ZC3H6: variants seen among roughly 807,000 people sequenced by gnomAD.
ZC3H6 encodes zinc finger CCCH-type containing 6.
A neutral mutation model predicts 107.7 loss-of-function variants in ZC3H6; 40 were observed. That is an observed-to-expected ratio of 0.37 (90% CI 0.29 to 0.48). The LOEUF (loss-of-function observed/expected upper bound fraction) is 0.48. Among genes scored for constraint, ZC3H6 ranks in the 20% least tolerant of loss-of-function variants. ZC3H6 has a pLI of 0.98. For synonymous variants in ZC3H6, 493 were observed against 487.9 expected, an observed-to-expected ratio of 1.01 and a Z score of -0.14; for missense variants, 1,267 against 1,410.4, an observed-to-expected ratio of 0.90 and a Z score of 1.63.
At chr2:112,319,750 G>T (rs1362323468) in intron 7 of ZC3H6, among the ~76,000 whole-genome samples, 1 of 151,952 alleles carries the variant, frequency 6.6e-6, no homozygotes, top group African/African-American at 2.4e-5. Context: ...AACATGAGAG[G>T]GACTTCATTT....
intron 11 of ZC3H6, among the ~76,000 whole-genome samples, chr2:112,328,732 A>C (rs1676959851): frequency 6.6e-6 from 1 of 152,136 alleles, no homozygotes; most frequent in Non-Finnish European, 1.5e-5. Context: ...CGAGGTCAAG[A>C]GATCGAGACC....
intron 11 of ZC3H6, 135 bp from the exon 12 acceptor site, chr2:112,330,870 G>A: frequency 3.1e-6 from 1 of 324,796 alleles, no homozygotes; most frequent in Non-Finnish European, 4.8e-6. Context: ...AATAGTATGT[G>A]TTTTTTAATA....
At chr2:112,321,635 G>A in intron 7 of ZC3H6, 121 bp from the exon 8 acceptor site, 5 of 542,614 alleles carry the variant, frequency 9.2e-6, no homozygotes, top group Non-Finnish European at 1.3e-5. Flanking sequence ...TTGACTATAG[G>A]TACAATGTTA....
intron 1 of ZC3H6, among the ~76,000 whole-genome samples, chr2:112,279,196 G>A (rs1573942718): frequency 6.6e-6 from 1 of 152,130 alleles, no homozygotes; most frequent in African/African-American, 2.4e-5. Context: ...GTCTCTCGTC[G>A]TTCAGTTCTT....
chr2:112,331,456 C>T lies in ZC3H6; in HGVS notation c.2538C>T (p.Gly846=). ...TAATACCTTTGGATGCCTCACCTGG[C>T]ATAATGCTCCAGGATCCAAGGTCAC... ...AFLIPLDASP[G]IMLQDPRSQL... The change falls in exon 12 of 12, where the codon GGC becomes GGT. Residue 846 remains glycine, a synonymous_variant. Coordinates refer to ENST00000409871, the MANE Select transcript of ZC3H6 (RefSeq NM_198581.3). 1 of 1,613,944 alleles carries T rather than the reference C, an allele frequency of 6.2e-7. No homozygotes were observed. The highest frequency in any genetic ancestry group is 8.5e-7 in the Non-Finnish European group (1 of 1,179,870).
At chr2:112,285,869 G>C (rs1479155782) in intron 1 of ZC3H6, among the ~76,000 whole-genome samples, 1 of 152,032 alleles carries the variant, frequency 6.6e-6, no homozygotes, top group Non-Finnish European at 1.5e-5. Context: ...GCTGAGGCAG[G>C]AGAACTGCTT....
In ZC3H6 at chr2:112,312,352, AAAGAG is replaced by A. The variant is rs1231516761; in HGVS notation, c.747+420_747+424del. Among the ~76,000 whole-genome samples the A allele has an allele frequency of 4.6e-5, 7 of 152,332 alleles. No homozygotes were observed. In the East Asian group the frequency reaches 1.2e-3, roughly 25 times the overall value. On this transcript the variant is annotated intron_variant, in intron 5 of 11. Coordinates refer to ENST00000409871, the MANE Select transcript of ZC3H6 (RefSeq NM_198581.3). ...TTCCTTTTTAGAGTTGAAAAGATTGAAAGAGAAGAAAGGGGGATATAAATGGTTGG... is the reference window on the plus strand; with the variant it reads ...TTCCTTTTTAGAGTTGAAAAGATTGAAAGAAAGGGGGATATAAATGGTTGG...
At position 112,332,517 on chromosome 2, in the gene ZC3H6, C is replaced by T; in HGVS notation, c.*29C>T. The T allele has an allele frequency of 3.8e-6, 6 of 1,569,806 alleles. No individual in the cohort carries two copies. Among genetic ancestry groups the T allele is most frequent in the Middle Eastern group, 3.4e-4 (2 of 5,800 alleles). Reference sequence around the variant, plus strand: ...TTGTGTAACTGAGCAATTCTTTTCACTCTTGTGACTATCTCAGTCCTCTGC... The same window carrying T: ...TTGTGTAACTGAGCAATTCTTTTCATTCTTGTGACTATCTCAGTCCTCTGC... On this transcript the variant is annotated 3_prime_UTR_variant, in exon 12 of 12. Transcript: ENST00000409871.
rs760218679 is a variant in ZC3H6, at chr2:112,331,754, T to C, written c.2836T>C (p.Tyr946His). The C allele has an allele frequency of 3.7e-6, 6 of 1,613,624 alleles. No individual in the cohort carries two copies. The highest frequency in any genetic ancestry group is 5.1e-6 in the Non-Finnish European group (6 of 1,179,808). Reference sequence around the variant, plus strand: ...AATTAACACAACAAACAGAGAAGGCTACCTAGAACAATTTGGAGACTCACA... The same window carrying C: ...AATTAACACAACAAACAGAGAAGGCCACCTAGAACAATTTGGAGACTCACA... ...AKINTTNREG[Y>H]LEQFGDSHGS... The change falls in exon 12 of 12, where the codon TAC becomes CAC. Residue 946 changes from tyrosine to histidine, a missense_variant. Transcript: ENST00000409871.
intron 1 of ZC3H6, among the ~76,000 whole-genome samples, chr2:112,276,827 A>G (rs1012539196): frequency 4.6e-5 from 7 of 152,342 alleles, no homozygotes; most frequent in South Asian, 2.1e-4. Flanking sequence ...TCATTCGTAT[A>G]TATCTTTAAT....
chr2:112,300,260 T>G (rs2104705536), intron 2 of ZC3H6, among the ~76,000 whole-genome samples: 1 of 152,186 alleles, frequency 6.6e-6, no homozygotes, highest in Non-Finnish European at 1.5e-5. Flanking sequence ...CAGGCTTGAG[T>G]GCAGTGGCAC....
intron 3 of ZC3H6, among the ~76,000 whole-genome samples, chr2:112,309,357 G>T (rs1373325569): frequency 6.6e-6 from 1 of 152,126 alleles, no homozygotes; most frequent in Non-Finnish European, 1.5e-5. Flanking sequence ...TTATTCACTA[G>T]ATGTTTTTCA....
rs1677138049 is a variant in ZC3H6, at chr2:112,336,487, TTAAA to T, written c.*4003_*4006del. 6.6e-6 allele frequency: 1 copy of T among 152,210 alleles called. No individual in the cohort carries two copies. Among genetic ancestry groups the T allele is most frequent in the South Asian group, 2.1e-4 (1 of 4,830 alleles). The allele number at this position is 152,210 out of a possible 1,614,324, so 9.4% of individuals were successfully genotyped here. On this transcript the variant is annotated 3_prime_UTR_variant, in exon 12 of 12. Transcript: ENST00000409871. ...AGCATTTGTAAACTATAATTATAGT[TTAAA>T]TAAGACTTAGTTTAGGAAATCCAAG...
chr2:112,332,628 TTA>T lies in ZC3H6; in HGVS notation c.*143_*144del, dbSNP rs1677059995. ...CTGCTAGTATCAGAACCACATGAAG[TTA>T]TAGCCTCTAAAGCCTGTGGTATTTT... On this transcript the variant is annotated 3_prime_UTR_variant, in exon 12 of 12. Coordinates refer to ENST00000409871, the MANE Select transcript of ZC3H6 (RefSeq NM_198581.3). The T allele has an allele frequency of 2.7e-6, 2 of 749,996 alleles. No individual in the cohort carries two copies. Among genetic ancestry groups the T allele is most frequent in the Non-Finnish European group, 4.1e-6 (2 of 491,370 alleles). 46.5% of individuals were successfully genotyped at this position (749,996 alleles called of 1,614,324 possible). A position where few individuals can be genotyped will look rare whatever the true frequency, so the allele number is the denominator to read the frequency against.
chr2:112,308,000 G>A (rs1676509239), intron 3 of ZC3H6, among the ~76,000 whole-genome samples: 1 of 152,142 alleles, frequency 6.6e-6, no homozygotes, highest in African/African-American at 2.4e-5. Flanking sequence ...AATATATCAA[G>A]TATTAATATA....
chr2:112,323,866 G>T (rs887179544), intron 9 of ZC3H6, among the ~76,000 whole-genome samples: 20 of 152,150 alleles, frequency 1.3e-4, no homozygotes, highest in African/African-American at 4.8e-4. Flanking sequence ...TTATCTCTGG[G>T]TAGTGGGATT....
At chr2:112,280,145 A>T (rs1023499385) in intron 1 of ZC3H6, among the ~76,000 whole-genome samples, 1 of 152,266 alleles carries the variant, frequency 6.6e-6, no homozygotes, top group African/African-American at 2.4e-5. Flanking sequence ...AATTTTAATT[A>T]AAAAAATTGC....
chr2:112,292,462 T>A (rs918670661), intron 1 of ZC3H6, among the ~76,000 whole-genome samples: 11 of 152,216 alleles, frequency 7.2e-5, no homozygotes, highest in African/African-American at 2.4e-4. Context: ...TAGAAGACTG[T>A]GAGACAAGAA....
chr2:112,284,255 A>C (rs1283038982), intron 1 of ZC3H6, among the ~76,000 whole-genome samples: 1 of 152,256 alleles, frequency 6.6e-6, no homozygotes, highest in Non-Finnish European at 1.5e-5. Context: ...CCTCTTTTAA[A>C]ATTATATTTT....
Sources: gnomAD v4.1 joint callset for allele counts (sites outside exome capture counted in the v4.1 genomes callset) on GRCh38, gnomAD v4.1.1 for gene constraint, MANE v1.5 for transcripts, NCBI Gene and HGNC (gene_info 2026-07-23, HGNC 2026-07-21) for gene names.